The following SEMA6A variants were observed in gnomAD, a reference collection of about 807,000 sequenced individuals.
SEMA6A encodes semaphorin 6A.
SEMA6A carries 25 observed loss-of-function variants against 96.8 expected under a neutral mutation model. The ratio of observed to expected loss-of-function variants is 0.26; its 90% confidence interval spans 0.19 to 0.36. The LOEUF is 0.36. Ranked by LOEUF, SEMA6A falls within the 10% of genes least tolerant of loss-of-function variation. SEMA6A has a pLI of 1.00. For synonymous variants in SEMA6A, 612 were observed against 518.0 expected (o/e 1.18, Z -2.46); for missense variants, 1,363 against 1,323.1 (o/e 1.03, Z -0.47).
chr5:116,504,921 T>C lies in SEMA6A; in HGVS notation c.24A>G (p.Leu8=), dbSNP rs528896519. The change falls in exon 2 of 19, where the codon CTA becomes CTG. Residue 8 remains leucine (L), a synonymous_variant. Transcript: ENST00000343348. ...CAGCAAAGTGTAGCAGTGTGAAATA[T>C]AGCAGCAAGGCTTCTGACCTCATAG... MRSEALL[L]YFTLLHFAGA... 3.6e-5 allele frequency: 57 copies of C among 1,600,812 alleles called. No individual in the cohort carries two copies. The highest frequency in any genetic ancestry group is 3.3e-4 in the South Asian group (29 of 88,026).
intron 1 of SEMA6A, among the ~76,000 whole-genome samples, chr5:116,558,479 G>A (rs1234652875): frequency 1.3e-4 from 1 of 7,908 alleles, no homozygotes; most frequent in Non-Finnish European, 4.2e-4. Flanking sequence ...TTTTTGAGAC[G>A]GAGTCTCGCT....
At chr5:116,505,605 C>T (rs560277335) in intron 1 of SEMA6A, among the ~76,000 whole-genome samples, 1 of 152,128 alleles carries the variant, frequency 6.6e-6, no homozygotes, top group Non-Finnish European at 1.5e-5. Flanking sequence ...ATCACACAAT[C>T]TATAAAGAGA....
rs958898387 is a variant in SEMA6A, at chr5:116,559,114, A to G, written c.-39+15071T>C. Among the ~76,000 whole-genome samples the G allele has an allele frequency of 3.9e-5, 6 of 152,194 alleles. No individual in the cohort carries two copies. In the East Asian group the frequency reaches 7.7e-4, roughly 20 times the overall value. On this transcript the variant is annotated intron_variant, in intron 1 of 18. Coordinates refer to ENST00000343348, the MANE Select transcript of SEMA6A (RefSeq NM_020796.5). ...TGCTTCCGTCTTCCTCCTATTAGCC[A>G]CCTCATATTATGGTATGAACCTCCC... is the stretch of plus-strand genomic sequence containing the variant.
chr5:116,564,023 G>T (rs1418345848), intron 1 of SEMA6A, among the ~76,000 whole-genome samples: 1 of 152,194 alleles, frequency 6.6e-6, no homozygotes, highest in Non-Finnish European at 1.5e-5. Context: ...AAATTCCGGT[G>T]CCTAGAAGCC....
In SEMA6A at chr5:116,502,204, C is replaced by T. The variant is rs989553866; in HGVS notation, c.218+6G>A. 2 of 1,612,108 alleles carry T rather than the reference C, an allele frequency of 1.2e-6. No individual in the cohort carries two copies. The highest frequency in any genetic ancestry group is 8.5e-7 in the Non-Finnish European group (1 of 1,178,384). ...TCAAGGCAGACATGGGGAAAAGGCC[C>T]CTTACCTAGCAGCAATGTAGAGGGT... On this transcript the variant is annotated splice_donor_region_variant and intron_variant, in intron 3 of 18. Transcript: ENST00000343348.
Position 116,551,625 on chromosome 5 carries a change from C to T in SEMA6A, c.-39+22560G>A, listed in dbSNP as rs61668690. Among the ~76,000 whole-genome samples, 1,172 of 152,240 alleles carry T rather than the reference C, an allele frequency of 7.7e-3. 15 individuals carry two copies. The highest frequency in any genetic ancestry group is 0.026 in the African/African-American group (1,093 of 41,546). On this transcript the variant is annotated intron_variant, in intron 1 of 18. Transcript: ENST00000343348. ...AGCTAGAGAGTGATGGATTTGAACC[C>T]AGGCACTGGCTTCTCTGCAGGTCAG...
At chr5:116,515,806 G>T (rs113366793) in intron 1 of SEMA6A, among the ~76,000 whole-genome samples, 1 of 152,144 alleles carries the variant, frequency 6.6e-6, no homozygotes, top group Admixed American at 6.5e-5. Context: ...TCTTTCCCCA[G>T]TTTTAGAGTA....
chr5:116,559,163 T>C (rs1021899428), intron 1 of SEMA6A, among the ~76,000 whole-genome samples: 47 of 152,162 alleles, frequency 3.1e-4, no homozygotes, highest in African/African-American at 1.0e-3. Flanking sequence ...TGGTCCCAAC[T>C]GCAAGACCAA....
At chr5:116,475,772 C>T (rs1188936464) in intron 15 of SEMA6A, among the ~76,000 whole-genome samples, 169 bp from the exon 16 acceptor site, 4 of 152,024 alleles carry the variant, frequency 2.6e-5, no homozygotes, top group Non-Finnish European at 4.4e-5. Context: ...TTTATAGAAA[C>T]GAGTCTTAGG....
intron 1 of SEMA6A, among the ~76,000 whole-genome samples, chr5:116,528,445 G>A (rs1759323605): frequency 6.6e-6 from 1 of 152,142 alleles, no homozygotes; most frequent in Admixed American, 6.5e-5. Context: ...TGATTGTCAG[G>A]AGAGCCAGCT....
Position 116,446,304 on chromosome 5 carries a change from A to C in SEMA6A, c.*309T>G. 1.2e-5 allele frequency: 3 copies of C among 244,466 alleles called. No individual in the cohort carries two copies. The highest frequency in any genetic ancestry group is 5.0e-5 in the Admixed American group (1 of 20,166). The allele number at this position is 244,466 out of a possible 1,614,324, so 15.1% of individuals were successfully genotyped here. A position where few individuals can be genotyped will look rare whatever the true frequency, so the allele number is the denominator to read the frequency against. On this transcript the variant is annotated 3_prime_UTR_variant, in exon 19 of 19. Transcript: ENST00000343348. ...TGTGTGTGGGGGTGGGGGATGGGGT[A>C]GGTATGTGCTTTTGGCTCATGTTTG...
chr5:116,496,317 C>T lies in SEMA6A; in HGVS notation c.280-4G>A, dbSNP rs1468223188. On this transcript the variant is annotated splice_polypyrimidine_tract_variant and splice_region_variant and intron_variant, in intron 4 of 18. Coordinates refer to ENST00000343348, the MANE Select transcript of SEMA6A (RefSeq NM_020796.5). ...GTCTAGATTTCCATGTCAGTTTCTG[C>T]AGGGATCAAGAAAGAAATCAATTAG... 1 of 1,612,926 alleles carries T rather than the reference C, an allele frequency of 6.2e-7. No individual in the cohort carries two copies. Among genetic ancestry groups the T allele is most frequent in the Non-Finnish European group, 8.5e-7 (1 of 1,179,292 alleles).
chr5:116,469,303 A>C (rs1302759320), intron 17 of SEMA6A: 11 of 152,192 alleles, frequency 7.2e-5, no homozygotes. Flanking sequence ...TTTATTCTAG[A>C]CTTTTTGTTT....
At chr5:116,498,694 T>C (rs1445387212) in intron 3 of SEMA6A, 1 of 152,190 alleles carries the variant, frequency 6.6e-6, no homozygotes, top group Non-Finnish European at 1.5e-5. Flanking sequence ...ACCCTGCCCT[T>C]TAATTTCAAG....
intron 18 of SEMA6A, among the ~76,000 whole-genome samples, chr5:116,464,325 G>C (rs1253635390): frequency 6.6e-6 from 1 of 152,156 alleles, no homozygotes; most frequent in Non-Finnish European, 1.5e-5. Context: ...AGATAAAACA[G>C]AGCAGTTGGC....
chr5:116,536,242 A>T (rs1759700565), intron 1 of SEMA6A: 1 of 152,122 alleles, frequency 6.6e-6, no homozygotes, highest in South Asian at 2.1e-4. Context: ...GTATTATTTT[A>T]AGAGTGATTG....
chr5:116,513,943 C>T (rs11744577), intron 1 of SEMA6A, among the ~76,000 whole-genome samples: 15,757 of 152,178 alleles, frequency 0.1, 878 homozygotes, highest in Admixed American at 0.15. Flanking sequence ...ATCCATGTCC[C>T]TGCAAAGGAC....
chr5:116,554,952 T>G (rs1760553617), intron 1 of SEMA6A: 1 of 152,256 alleles, frequency 6.6e-6, no homozygotes, highest in African/African-American at 2.4e-5. Flanking sequence ...TTTTGTGTTG[T>G]GAACATCTGT....
intron 18 of SEMA6A, among the ~76,000 whole-genome samples, chr5:116,454,900 T>C (rs1240487168): frequency 2.0e-5 from 3 of 152,142 alleles, no homozygotes; most frequent in Non-Finnish European, 4.4e-5. Flanking sequence ...CTTCAAGATA[T>C]ATAAAGTTAA....
Sources: allele counts gnomAD v4.1 joint callset (sites outside exome capture counted in the v4.1 genomes callset), GRCh38; gene constraint gnomAD v4.1.1; transcripts MANE v1.5; gene names NCBI Gene and HGNC (gene_info 2026-07-23, HGNC 2026-07-21).